MEA1: variants seen among roughly 807,000 people sequenced by gnomAD.
MEA1 encodes the protein male-enhanced antigen 1.
In MEA1, 22 loss-of-function variants were observed where a neutral mutation model predicts 21.4. That is an observed-to-expected ratio of 1.03 (90% CI 0.73 to 1.47). The LOEUF (loss-of-function observed/expected upper bound fraction) is 1.47, where lower values mean the gene tolerates loss of function less well. Among genes scored for constraint, MEA1 ranks in the 40% most tolerant of loss-of-function variants. MEA1 has a pLI of 0.00. For synonymous variants in MEA1, 91 were observed against 85.5 expected (o/e 1.06, Z -0.35); for missense variants, 233 against 230.5 (o/e 1.01, Z -0.07).
At chr6:43,014,030 T>C (rs1024481742), upstream of MEA1, 4 of 1,424,822 alleles carry the variant, frequency 2.8e-6, no homozygotes, top group South Asian at 1.5e-5. Flanking sequence ...GCCTCCGTCA[T>C]TCCCAGCCCA....
intron 1 of MEA1, 110 bp downstream of exon 1, chr6:43,013,676 C>A: frequency 8.4e-7 from 1 of 1,193,230 alleles, no homozygotes; most frequent in Non-Finnish European, 1.2e-6. Context: ...AACCCCGGCT[C>A]CCCGCGCCAC....
upstream of MEA1, chr6:43,014,486 G>T: frequency 2.0e-6 from 1 of 501,764 alleles, no homozygotes; most frequent in Middle Eastern, 3.0e-4. Flanking sequence ...TGGGAAAGGA[G>T]AGTGTTAATG....
At position 43,013,289 on chromosome 6, in the gene MEA1, T is replaced by C; in HGVS notation, c.129A>G (p.Ser43=). ...CACTGCTCCAATCCCCAGTGCCTTC[T>C]GAAGGGCCCTGATGTCCCAGTTCCT... is the stretch of plus-strand genomic sequence containing the variant. ...QTEELGHQGP[S]EGTGDWSSEE... is the part of the protein sequence containing the mutation. Residue 43 remains serine (S), a synonymous_variant, in exon 2 of 4, where the codon TCA becomes TCG. Transcript: ENST00000244711. The C allele has an allele frequency of 3.1e-6, 5 of 1,614,158 alleles. No homozygotes were observed. The highest frequency in any genetic ancestry group is 1.3e-5 in the African/African-American group (1 of 75,036).
In MEA1 at chr6:43,012,981, T is replaced by A; in HGVS notation, c.351A>T (p.Glu117Asp). The A allele has an allele frequency of 1.9e-6, 3 of 1,614,184 alleles. 1 individual carries two copies. In the South Asian group the frequency reaches 3.3e-5, roughly 18 times the overall value. Residue 117 changes from glutamate to aspartate, a missense_variant, in exon 3 of 4, where the codon GAA (glutamate) becomes GAT (aspartate). By Grantham distance (45) the Glu-to-Asp change is conservative (BLOSUM62 2). Coordinates refer to ENST00000244711, the MANE Select transcript of MEA1 (RefSeq NM_014623.4). ...LPDPPLESEDEDEEGATALNN... is the reference protein window; with the variant it reads ...LPDPPLESEDDDEEGATALNN... The stretch of plus-strand genomic sequence containing the variant: ...TCAACGCTGTAGCTCCCTCCTCATC[T>A]TCATCTTCACTCTCTAATGGTGGGT...
Position 43,012,967 on chromosome 6 carries a change from G to A in MEA1, c.365C>T (p.Ala122Val). 1.2e-6 allele frequency: 2 copies of A among 1,614,154 alleles called. No homozygotes were observed. The highest frequency in any genetic ancestry group is 2.2e-5 in the East Asian group (1 of 44,890). ...LESEDEDEEGATALNNHSSIP... is the reference protein window; with the variant it reads ...LESEDEDEEGVTALNNHSSIP... The stretch of plus-strand genomic sequence containing the variant: ...AGAGCTGTGGTTGTTCAACGCTGTA[G>A]CTCCCTCCTCATCTTCATCTTCACT... Residue 122 changes from alanine to valine, a missense_variant, in exon 3 of 4, where the codon GCT becomes GTT. Physicochemically the swap from Ala to Val is moderately conservative, Grantham distance 64. Coordinates refer to ENST00000244711, the MANE Select transcript of MEA1 (RefSeq NM_014623.4).
chr6:43,012,332 G>A lies in MEA1; in HGVS notation c.*138C>T. On this transcript the variant is annotated 3_prime_UTR_variant, in exon 4 of 4. Coordinates refer to ENST00000244711, the MANE Select transcript of MEA1 (RefSeq NM_014623.4). ...ATATGTACAGAACTGAATAAAGTGG[G>A]TCTCTGAGAAGTCTGATGTGCCTTG... 8 of 1,471,946 alleles carry A rather than the reference G, an allele frequency of 5.4e-6. No individual in the cohort carries two copies. Among genetic ancestry groups the A allele is most frequent in the Non-Finnish European group, 6.3e-6 (7 of 1,112,400 alleles). 91.2% of individuals were successfully genotyped at this position (1,471,946 alleles called of 1,614,324 possible). A position where few individuals can be genotyped will look rare whatever the true frequency, so the allele number is the denominator to read the frequency against.
chr6:43,016,379 C>T (rs1027344580), upstream of MEA1: 6 of 152,272 alleles, frequency 3.9e-5, no homozygotes, highest in African/African-American at 1.4e-4. Context: ...GAGAAAACCC[C>T]TCCCTCTATC....
At position 43,013,333 on chromosome 6, in the gene MEA1, T is replaced by TA. The variant is rs761483784; in HGVS notation, c.84dup (p.Ile29TyrfsTer7). On this transcript the variant is annotated frameshift_variant, in exon 2 of 4. Coordinates refer to ENST00000244711, the MANE Select transcript of MEA1 (RefSeq NM_014623.4). LOFTEE classifies it high-confidence loss of function. The stretch of plus-strand genomic sequence containing the variant: ...AGTTCCTCAGTCTGATTGGGGAAGA[T>TA]ACGCTCAGGGCCCATGGTGTCTCCT... 2 of 1,614,010 alleles carry TA rather than the reference T, an allele frequency of 1.2e-6. No homozygotes were observed. The highest frequency in any genetic ancestry group is 1.7e-6 in the Non-Finnish European group (2 of 1,180,026).
At chr6:43,013,603 G>A (rs571241306) in intron 1 of MEA1, 183 bp downstream of exon 1, 24 of 811,056 alleles carry the variant, frequency 3.0e-5, no homozygotes, top group Non-Finnish European at 4.1e-5. Flanking sequence ...AACTTGCTCC[G>A]CCACTTCCTA....
At chr6:43,014,833 G>C (rs1267422586), upstream of MEA1, among the ~76,000 whole-genome samples, 2 of 152,162 alleles carry the variant, frequency 1.3e-5, no homozygotes, top group African/African-American at 2.4e-5. Context: ...ACGAGATCAA[G>C]AAGGGCGAGA....
chr6:43,014,576 G>A (rs1302501837), upstream of MEA1: 23 of 459,420 alleles, frequency 5.0e-5, 2 homozygotes, highest in South Asian at 3.3e-4. Flanking sequence ...GAAGGAAATG[G>A]GAAGGAAGAC....
At position 43,011,295 on chromosome 6, in the gene MEA1, GT is replaced by G; in HGVS notation, c.*1174del. On this transcript the variant is annotated 3_prime_UTR_variant, in exon 4 of 4. Transcript: ENST00000244711. Reference sequence around the variant, plus strand: ...GCCAGGAGGCTCTCTGACCCCTCACGTTCCTACCACAGGGCCACAGCCCACA... The same window carrying G: ...GCCAGGAGGCTCTCTGACCCCTCACGTCCTACCACAGGGCCACAGCCCACA... The G allele has an allele frequency of 6.2e-7, 1 of 1,613,544 alleles. No homozygotes were observed. The highest frequency in any genetic ancestry group is 8.5e-7 in the Non-Finnish European group (1 of 1,179,942).
intron 3 of MEA1, 84 bp from the exon 4 acceptor site, chr6:43,012,705 T>C (rs1265540110): frequency 2.6e-5 from 39 of 1,471,854 alleles, no homozygotes; most frequent in Non-Finnish European, 3.2e-5. Flanking sequence ...CCCAGAGCCC[T>C]TGGGCTGCTA....
upstream of MEA1, among the ~76,000 whole-genome samples, chr6:43,016,229 A>G (rs1395087900): frequency 6.6e-6 from 1 of 152,034 alleles, no homozygotes; most frequent in Non-Finnish European, 1.5e-5. Context: ...CACTGTGCCC[A>G]GCCCCTTCCC....
chr6:43,013,857 C>G lies in MEA1; in HGVS notation c.-44G>C. 6.5e-7 allele frequency: 1 copy of G among 1,533,852 alleles called. No individual in the cohort carries two copies. Among genetic ancestry groups the G allele is most frequent in the Non-Finnish European group, 8.7e-7 (1 of 1,144,056 alleles). ...CCCAGCTGCAGCGTCCCCCACCCGC[C>G]CCCATCCGAATCCCGGCGCCGGTGT... On this transcript the variant is annotated 5_prime_UTR_variant, in exon 1 of 4. Coordinates refer to ENST00000244711, the MANE Select transcript of MEA1 (RefSeq NM_014623.4).
chr6:43,013,655 A>G, intron 1 of MEA1, 131 bp downstream of exon 1: 2 of 1,007,238 alleles, frequency 2.0e-6, no homozygotes, highest in South Asian at 1.4e-5. Flanking sequence ...CCTAAAAGAC[A>G]CCCCTTCCAG....
At chr6:43,014,614 A>C, upstream of MEA1, 1 of 457,196 alleles carries the variant, frequency 2.2e-6, no homozygotes, top group Non-Finnish European at 4.4e-6. Context: ...GAAGCTGAGC[A>C]TAATGGAAGG....
upstream of MEA1, chr6:43,014,097 A>G (rs1762490978): frequency 7.1e-7 from 1 of 1,414,148 alleles, no homozygotes; most frequent in Admixed American, 2.9e-5. Context: ...ATATTTGCAC[A>G]TGCGCAGAAT....
chr6:43,014,248 T>A (rs1025178837), upstream of MEA1: 9 of 1,043,496 alleles, frequency 8.6e-6, no homozygotes, highest in African/African-American at 1.6e-5. Flanking sequence ...AGCTTGGCTG[T>A]GTTTATCTCG....
Sources: gnomAD v4.1 joint callset for allele counts (sites outside exome capture counted in the v4.1 genomes callset) on GRCh38, gnomAD v4.1.1 for gene constraint, MANE v1.5 for transcripts, NCBI Gene and HGNC (gene_info 2026-07-23, HGNC 2026-07-21) for gene names.